Variants in EBAG9 observed in about 807,000 individuals in gnomAD.
The protein encoded by EBAG9 is estrogen receptor binding site associated antigen 9.
EBAG9 carries 16 observed loss-of-function variants against 30.9 expected under a neutral mutation model. The ratio of observed to expected loss-of-function variants is 0.52; its 90% CI spans 0.35 to 0.79. The LOEUF is 0.79. Ranked by LOEUF, EBAG9 falls within the 30% of genes least tolerant of loss-of-function variation. The pLI, the probability that EBAG9 is intolerant of heterozygous loss-of-function variation, is 0.01. For missense variants in EBAG9, 197 were observed against 242.1 expected, an observed-to-expected ratio of 0.81 and a Z score of 1.24; for synonymous variants, 93 against 82.8, an observed-to-expected ratio of 1.12 and a Z score of -0.67.
chr8:109,562,446 T>C (rs1408173648), intron 6 of EBAG9, among the ~76,000 whole-genome samples: 2 of 151,980 alleles, frequency 1.3e-5, no homozygotes, highest in Non-Finnish European at 2.9e-5. Flanking sequence ...CAAAGAGAAA[T>C]GGAGGTGTCA....
At chr8:109,558,103 A>G (rs1821637297) in intron 5 of EBAG9, among the ~76,000 whole-genome samples, 1 of 152,234 alleles carries the variant, frequency 6.6e-6, no homozygotes, top group African/African-American at 2.4e-5. Context: ...ATTTGTGGAC[A>G]TATTTTTAAA....
chr8:109,548,829 T>G (rs540754564), intron 1 of EBAG9, among the ~76,000 whole-genome samples: 14 of 151,878 alleles, frequency 9.2e-5, no homozygotes, highest in African/African-American at 3.4e-4. Context: ...TATCACACTT[T>G]TATTTCTGCC....
intron 5 of EBAG9, 59 bp from the exon 6 acceptor site, chr8:109,560,779 G>C (rs1279539346): frequency 8.4e-7 from 1 of 1,190,490 alleles, no homozygotes; most frequent in African/African-American, 1.5e-5. Flanking sequence ...TCTTTTTAAC[G>C]GCTATGTGGA....
intron 4 of EBAG9, 99 bp from the exon 5 acceptor site, chr8:109,556,836 G>T: frequency 1.9e-6 from 1 of 526,674 alleles, no homozygotes; most frequent in Non-Finnish European, 3.0e-6. Context: ...TAAATTTTAA[G>T]AAGAAATATT....
In EBAG9 at chr8:109,554,822, T is replaced by A. The variant is rs1821564779; in HGVS notation, c.256T>A (p.Ser86Thr). The A allele has an allele frequency of 6.2e-7, 1 of 1,613,700 alleles. No individual in the cohort carries two copies. The part of the protein sequence containing the change: ...GNGNVATQQN[S>T]LEQLEPDYFK... ...TGGGAATGTGGCAACACAACAAAATTCTTTGGAACAACTGGAACCTGACTA... is the reference window on the plus strand; with the variant it reads ...TGGGAATGTGGCAACACAACAAAATACTTTGGAACAACTGGAACCTGACTA... Residue 86 changes from serine to threonine, a missense_variant, in exon 4 of 7, where the codon TCT becomes ACT. Physicochemically the swap from Ser to Thr is moderately conservative, Grantham distance 58. Transcript: ENST00000337573.
chr8:109,554,937 A>G (rs368065431), intron 4 of EBAG9, 50 bp downstream of exon 4: 191 of 1,538,764 alleles, frequency 1.2e-4, no homozygotes, highest in Non-Finnish European at 1.2e-4. Context: ...TTAGATTCCT[A>G]TAGTTAAAAT....
intron 4 of EBAG9, among the ~76,000 whole-genome samples, chr8:109,555,605 A>G (rs1243337588): frequency 6.6e-6 from 1 of 152,178 alleles, no homozygotes; most frequent in Non-Finnish European, 1.5e-5. Flanking sequence ...GTACTTCAGT[A>G]ATATCTACAA....
At chr8:109,547,704 TCTC>T (rs1821412490) in intron 1 of EBAG9, among the ~76,000 whole-genome samples, 1 of 151,992 alleles carries the variant, frequency 6.6e-6, no homozygotes, top group Non-Finnish European at 1.5e-5. Flanking sequence ...ATGGTCTTGA[TCTC>T]CTGACCTCGT....
intron 1 of EBAG9, among the ~76,000 whole-genome samples, chr8:109,542,602 T>C (rs1022891704): frequency 4.1e-4 from 62 of 152,272 alleles, no homozygotes; most frequent in African/African-American, 1.3e-3. Flanking sequence ...TTTCAGAAAA[T>C]TTAGGCTAAT....
intron 1 of EBAG9, chr8:109,550,606 T>C: frequency 4.5e-6 from 2 of 439,674 alleles, no homozygotes; most frequent in South Asian, 6.8e-5. Context: ...GTTTTATCCT[T>C]ACAACCATTG....
chr8:109,550,771 T>C (rs1821476959), intron 1 of EBAG9, 39 bp from the exon 2 acceptor site: 2 of 1,201,022 alleles, frequency 1.7e-6, no homozygotes, highest in East Asian at 2.5e-5. Context: ...ACTTTTGAAA[T>C]CAATTTAATG....
chr8:109,554,650 C>T, intron 3 of EBAG9, 79 bp from the exon 4 acceptor site: 4 of 1,417,934 alleles, frequency 2.8e-6, no homozygotes, highest in Admixed American at 2.2e-5. Flanking sequence ...TTAGAAAGCC[C>T]ATTTTTCTAA....
chr8:109,539,973 C>G (rs781034198), upstream of EBAG9: 2 of 152,450 alleles, frequency 1.3e-5, no homozygotes, highest in Admixed American at 6.5e-5. Context: ...TCCCTACCCC[C>G]ATCCCGACCC....
At chr8:109,561,807 T>C (rs1821715628) in intron 6 of EBAG9, among the ~76,000 whole-genome samples, 2 of 151,864 alleles carry the variant, frequency 1.3e-5, no homozygotes, top group Admixed American at 6.6e-5. Context: ...ACAGTTACTG[T>C]GAACAACCAG....
intron 4 of EBAG9, among the ~76,000 whole-genome samples, chr8:109,556,412 G>A (rs554113300): frequency 6.6e-6 from 1 of 152,130 alleles, no homozygotes; most frequent in Non-Finnish European, 1.5e-5. Flanking sequence ...CTTAATAGAT[G>A]AATACCTTGC....
At chr8:109,548,029 G>A (rs917281691) in intron 1 of EBAG9, among the ~76,000 whole-genome samples, 1 of 151,798 alleles carries the variant, frequency 6.6e-6, no homozygotes, top group African/African-American at 2.4e-5. Flanking sequence ...TTTATGGATT[G>A]TGCTTTTGTT....
chr8:109,550,902 A>C lies in EBAG9; in HGVS notation c.78A>C (p.Ile26=). The part of the protein sequence containing the change: ...ATVFSFLKRL[I]CRSGRGRKLS... Reference sequence around the variant, plus strand: ...TATTCTCATTCCTAAAGAGATTAATATGCAGGTAAATAAGTTTTATGTTCA... The same window carrying C: ...TATTCTCATTCCTAAAGAGATTAATCTGCAGGTAAATAAGTTTTATGTTCA... Residue 26 remains isoleucine (I), a synonymous_variant, in exon 2 of 7, where the codon ATA becomes ATC. Coordinates refer to ENST00000337573, the MANE Select transcript of EBAG9 (RefSeq NM_004215.5). The C allele has an allele frequency of 1.7e-5, 27 of 1,569,444 alleles. No homozygotes were observed. Among genetic ancestry groups the C allele is most frequent in the Non-Finnish European group, 2.3e-5 (26 of 1,149,802 alleles).
intron 4 of EBAG9, 97 bp downstream of exon 4, chr8:109,554,984 T>A (rs1241315592): frequency 8.4e-6 from 11 of 1,303,916 alleles, no homozygotes; most frequent in Non-Finnish European, 1.1e-5. Context: ...AAAGCCTATT[T>A]CTTTTTTTTT....
intron 1 of EBAG9, among the ~76,000 whole-genome samples, chr8:109,549,199 G>A (rs1022579366): frequency 6.6e-6 from 1 of 151,732 alleles, no homozygotes; most frequent in African/African-American, 2.4e-5. Context: ...TATAGTGAAT[G>A]ACATTTGATT....
Sources: gnomAD v4.1 joint callset for allele counts (sites outside exome capture counted in the v4.1 genomes callset) on GRCh38, gnomAD v4.1.1 for gene constraint, MANE v1.5 for transcripts, NCBI Gene and HGNC (gene_info 2026-07-23, HGNC 2026-07-21) for gene names.